OLFML2B: variants seen among roughly 807,000 people sequenced by gnomAD.
The protein encoded by OLFML2B is olfactomedin-like protein 2B.
Under a neutral mutation model 74.9 loss-of-function variants are expected in OLFML2B, and 57 were observed. That is an observed-to-expected ratio of 0.76 (90% CI 0.61 to 0.95). The LOEUF is 0.95. Ranked by LOEUF, OLFML2B falls within the 40% of genes least tolerant of loss-of-function variation. The pLI is 0.00. For missense variants in OLFML2B, 986 were observed against 970.6 expected, an observed-to-expected ratio of 1.02 and a Z score of -0.21; for synonymous variants, 388 against 405.8, an observed-to-expected ratio of 0.96 and a Z score of 0.53.
At chr1:162,014,526 A>G (rs993283725) in intron 3 of OLFML2B, among the ~76,000 whole-genome samples, 4 of 152,200 alleles carry the variant, frequency 2.6e-5, no homozygotes, top group African/African-American at 7.2e-5. Context: ...ACCTCCAAAG[A>G]GCTCCCATTG....
At chr1:161,997,729 G>A (rs985622633) in intron 6 of OLFML2B, 96 bp downstream of exon 6, 1 of 1,331,820 alleles carries the variant, frequency 7.5e-7, no homozygotes. Context: ...AAAGAACTTT[G>A]ACCATCTGGT....
At chr1:162,007,405 T>C (rs1302576845) in intron 3 of OLFML2B, among the ~76,000 whole-genome samples, 1 of 152,234 alleles carries the variant, frequency 6.6e-6, no homozygotes, top group Non-Finnish European at 1.5e-5. Context: ...TCAAGGAAAG[T>C]TGTCGACAGC....
rs7529266 is a variant in OLFML2B, at chr1:162,008,395, A to G, written c.547-1922T>C. ...TGTGACTTGCTCAAGGTCACTACAA[A>G]AAAGTGGCAGAGTGGAACCAGCACC... is the stretch of plus-strand genomic sequence containing the variant. On this transcript the variant is annotated intron_variant, in intron 3 of 7. Transcript: ENST00000294794. Among the ~76,000 whole-genome samples, 662 of 152,292 alleles carry G rather than the reference A, an allele frequency of 4.3e-3. 2 individuals carry two copies. Among genetic ancestry groups the G allele is most frequent in the Non-Finnish European group, 6.6e-3 (450 of 68,012 alleles).
At chr1:161,985,866 G>A (rs2490423) in intron 6 of OLFML2B, among the ~76,000 whole-genome samples, 136,014 of 152,270 alleles carry the variant, frequency 0.89, 61,192 homozygotes, top group African/African-American at 0.97. Context: ...ACTCAGCAAC[G>A]TCCTTCTGAG....
chr1:162,004,881 C>CCTGGGCA (rs1170499056), intron 4 of OLFML2B, among the ~76,000 whole-genome samples: 2 of 152,228 alleles, frequency 1.3e-5, no homozygotes, highest in African/African-American at 4.8e-5. Context: ...GAACCCACTC[C>CCTGGGCA]CTGGGCACCA....
At chr1:161,987,348 A>T (rs927406714) in intron 6 of OLFML2B, among the ~76,000 whole-genome samples, 53 of 152,210 alleles carry the variant, frequency 3.5e-4, no homozygotes, top group Non-Finnish European at 6.2e-4. Flanking sequence ...TTACATAAAA[A>T]AAATCCTGAG....
At chr1:161,999,034 A>G (rs2247075) in intron 5 of OLFML2B, among the ~76,000 whole-genome samples, 119,519 of 152,118 alleles carry the variant, frequency 0.79, 47,086 homozygotes, top group East Asian at 0.84. Flanking sequence ...GGTGGCCAGC[A>G]TGACTGAAGC....
At chr1:161,994,362 G>T (rs1390845011) in intron 6 of OLFML2B, among the ~76,000 whole-genome samples, 1 of 152,248 alleles carries the variant, frequency 6.6e-6, no homozygotes, top group Non-Finnish European at 1.5e-5. Context: ...CCTCGGGGTG[G>T]TTACAGTCAT....
At chr1:162,016,893 G>A (rs1031241242) in intron 3 of OLFML2B, among the ~76,000 whole-genome samples, 1 of 152,206 alleles carries the variant, frequency 6.6e-6, no homozygotes, top group Non-Finnish European at 1.5e-5. Flanking sequence ...TTCTGGGCAT[G>A]ACCAGCCTGA....
chr1:162,019,531 C>G (rs1222890748), intron 2 of OLFML2B, among the ~76,000 whole-genome samples: 2 of 152,214 alleles, frequency 1.3e-5, no homozygotes, highest in East Asian at 3.8e-4. Flanking sequence ...CTAGGCCAAC[C>G]CAGCCCTTGT....
rs190688881 is a variant in OLFML2B, at chr1:162,023,221, G to A, written c.174+36C>T. On this transcript the variant is annotated intron_variant, in intron 1 of 7. Transcript: ENST00000294794. ...AGCTTCTGGCTCTCACCACCATCCA[G>A]GGCAAGAAGGGCGGTCGTGGCACTC... The A allele has an allele frequency of 3.9e-5, 58 of 1,468,836 alleles. No homozygotes were observed. In the Admixed American group the frequency reaches 5.2e-4, roughly 13 times the overall value. 91.0% of individuals were successfully genotyped at this position (1,468,836 alleles called of 1,614,324 possible).
chr1:162,002,909 T>A (rs899273796), intron 4 of OLFML2B, among the ~76,000 whole-genome samples: 7 of 152,258 alleles, frequency 4.6e-5, no homozygotes, highest in Non-Finnish European at 1.0e-4. Context: ...ACACCTATTA[T>A]GGCCATGTCC....
At chr1:162,018,835 C>T (rs1028427794) in intron 2 of OLFML2B, among the ~76,000 whole-genome samples, 3 of 152,218 alleles carry the variant, frequency 2.0e-5, no homozygotes, top group African/African-American at 7.2e-5. Context: ...CTCCTTTCTC[C>T]CTACCAGAGG....
rs1179011340 is a variant in OLFML2B at position 161,984,853 on chromosome 1, G to T, written c.1602C>A (p.Tyr534Ter). The T allele has an allele frequency of 6.2e-7, 1 of 1,613,278 alleles. No individual in the cohort carries two copies. Residue 534 changes from tyrosine to a stop codon, truncating the protein, a stop_gained, in exon 7 of 8, where the codon TAC becomes TAA. Transcript: ENST00000294794. LOFTEE classifies it high-confidence loss of function. The stretch of plus-strand genomic sequence containing the variant: ...GGAACTCTACCAGGGTGTTGCCGTA[G>T]TAATAGTTGGTTACGTAAATCCGCT... ...KDERIYVTNY[Y>*]YGNTLVEFRN...
intron 3 of OLFML2B, among the ~76,000 whole-genome samples, chr1:162,017,085 T>A (rs752723080): frequency 6.6e-6 from 1 of 152,232 alleles, no homozygotes; most frequent in South Asian, 2.1e-4. Context: ...AAGATGCTTA[T>A]TGTACCTTTA....
chr1:162,018,331 ATC>A (rs1353007294), intron 2 of OLFML2B, among the ~76,000 whole-genome samples: 4 of 152,218 alleles, frequency 2.6e-5, no homozygotes, highest in Non-Finnish European at 5.9e-5. Flanking sequence ...TGTATCCTTC[ATC>A]TCTGTTTCCC....
chr1:162,004,728 C>T (rs777300682), intron 4 of OLFML2B, among the ~76,000 whole-genome samples: 1 of 152,196 alleles, frequency 6.6e-6, no homozygotes, highest in Admixed American at 6.5e-5. Context: ...CAACACAGTC[C>T]TGCACAGCAA....
intron 2 of OLFML2B, among the ~76,000 whole-genome samples, chr1:162,019,294 A>G (rs1690633292): frequency 1.3e-5 from 2 of 152,292 alleles, no homozygotes; most frequent in Middle Eastern, 3.4e-3. Flanking sequence ...AAGTTAAATA[A>G]CTTAAGTGGG....
intron 4 of OLFML2B, among the ~76,000 whole-genome samples, chr1:162,004,839 G>A (rs993563430): frequency 2.6e-5 from 4 of 152,148 alleles, no homozygotes; most frequent in African/African-American, 4.8e-5. Flanking sequence ...ACGACTCCCC[G>A]AAGCCGAGGG....
Sources: gnomAD v4.1 joint callset for allele counts (sites outside exome capture counted in the v4.1 genomes callset) on GRCh38, gnomAD v4.1.1 for gene constraint, MANE v1.5 for transcripts, NCBI Gene and HGNC (gene_info 2026-07-23, HGNC 2026-07-21) for gene names.